SLC44A5: variants seen among roughly 807,000 people sequenced by gnomAD.
SLC44A5 encodes solute carrier family 44 member 5.
In SLC44A5, 57 loss-of-function variants were observed where a neutral mutation model predicts 101.8. The observed-to-expected ratio is 0.56, with a 90% CI of 0.45 to 0.70. The LOEUF is 0.70. SLC44A5 is among the 30% of genes least tolerant of loss of function. The probability of loss-of-function intolerance (pLI) is 0.00; values close to 1 mark genes in which losing one functional copy is unlikely to be tolerated. For synonymous variants in SLC44A5, 281 were observed against 290.9 expected (o/e 0.97, Z 0.35); for missense variants, 737 against 853.1 (o/e 0.86, Z 1.70).
intron 13 of SLC44A5, among the ~76,000 whole-genome samples, chr1:75,225,527 A>C (rs772553259): frequency 1.3e-5 from 2 of 152,174 alleles, no homozygotes; most frequent in Non-Finnish European, 2.9e-5. Context: ...TGAGACTGGC[A>C]CCTGGGGGCT....
At chr1:75,495,082 C>T (rs576666762) in intron 2 of SLC44A5, among the ~76,000 whole-genome samples, 2 of 152,056 alleles carry the variant, frequency 1.3e-5, no homozygotes, top group East Asian at 1.9e-4. Flanking sequence ...AATGAGGAAA[C>T]GGAAATATGT....
At chr1:75,476,215 T>C (rs981294660) in intron 2 of SLC44A5, among the ~76,000 whole-genome samples, 7 of 151,714 alleles carry the variant, frequency 4.6e-5, no homozygotes, top group African/African-American at 1.5e-4. Flanking sequence ...ATATAGAAAG[T>C]TATCAAGATT....
the SLC44A5 span, among the ~76,000 whole-genome samples, chr1:75,698,689 A>G: frequency 1.3e-5 from 2 of 152,230 alleles, no homozygotes; most frequent in African/African-American, 4.8e-5. Flanking sequence ...AAGGCTTCAG[A>G]CGATCAAATT....
intron 3 of SLC44A5, among the ~76,000 whole-genome samples, chr1:75,351,846 C>CAAA (rs71071942): frequency 1.1e-4 from 3 of 28,410 alleles, no homozygotes; most frequent in East Asian, 2.2e-3. Flanking sequence ...CACACTTTAC[C>CAAA]AAAAAAAAAA....
chr1:75,302,112 G>GTTTTTTTTTTGTTTTTTTTTTTTTTT (rs1654511201), intron 4 of SLC44A5, among the ~76,000 whole-genome samples: 1 of 60,138 alleles, frequency 1.7e-5, no homozygotes, highest in African/African-American at 6.9e-5. Flanking sequence ...TAGTTTTTTT[G>GTTTTTTTTTTGTTTTTTTTTTTTTTT]TTTTTTTTTT....
chr1:75,666,592 G>A, the SLC44A5 span, among the ~76,000 whole-genome samples: 59 of 152,250 alleles, frequency 3.9e-4, no homozygotes, highest in Middle Eastern at 3.4e-3. Context: ...TATTTTATGA[G>A]GCCAGCATCA....
intron 2 of SLC44A5, among the ~76,000 whole-genome samples, chr1:75,488,873 A>C (rs770560725): frequency 1.3e-5 from 2 of 152,240 alleles, no homozygotes; most frequent in Admixed American, 6.5e-5. Context: ...TTTGAGACTG[A>C]GTTTCGATCT....
upstream of SLC44A5, among the ~76,000 whole-genome samples, chr1:75,612,645 C>A (rs928674657): frequency 2.0e-5 from 3 of 152,222 alleles, no homozygotes; most frequent in African/African-American, 7.2e-5. Flanking sequence ...CCTCTTACTT[C>A]ATTGTCTATC....
intron 4 of SLC44A5, among the ~76,000 whole-genome samples, chr1:75,312,448 A>G (rs1018293099): frequency 6.6e-6 from 1 of 151,854 alleles, no homozygotes; most frequent in Non-Finnish European, 1.5e-5. Flanking sequence ...GATCTTTGAG[A>G]GGTGATTAGT....
rs191654963 is a variant in SLC44A5 at position 75,376,860 on chromosome 1, C to T, written c.52+19723G>A. Among the ~76,000 whole-genome samples, 589 of 152,280 alleles carry T rather than the reference C, an allele frequency of 3.9e-3. 2 individuals carry two copies. The highest frequency in any genetic ancestry group is 0.014 in the African/African-American group (563 of 41,556). On this transcript the variant is annotated intron_variant, in intron 3 of 23. Coordinates refer to ENST00000370859, the MANE Select transcript of SLC44A5 (RefSeq NM_001130058.2). Reference sequence around the variant, plus strand: ...TTGACAAGCTGAGAGCAGAAGGCTTCAGACGATCAAATTACTCTGAGCTAC... The same window carrying T: ...TTGACAAGCTGAGAGCAGAAGGCTTTAGACGATCAAATTACTCTGAGCTAC...
At chr1:75,301,763 A>G (rs1023809927) in intron 4 of SLC44A5, among the ~76,000 whole-genome samples, 3 of 152,222 alleles carry the variant, frequency 2.0e-5, no homozygotes, top group Non-Finnish European at 4.4e-5. Context: ...TATGGGTAGT[A>G]AAGTGAGTTC....
chr1:75,310,543 C>A (rs572774400), intron 4 of SLC44A5, among the ~76,000 whole-genome samples: 2 of 152,056 alleles, frequency 1.3e-5, no homozygotes, highest in Admixed American at 1.3e-4. Context: ...TCTCTACTAG[C>A]GGACACAAGA....
intron 11 of SLC44A5, 94 bp downstream of exon 11, chr1:75,236,893 T>A: frequency 3.1e-6 from 2 of 647,996 alleles, no homozygotes; most frequent in Non-Finnish European, 5.2e-6. Flanking sequence ...ATTTCTTTTA[T>A]TCATGAATAA....
intron 3 of SLC44A5, among the ~76,000 whole-genome samples, chr1:75,395,033 C>G (rs945861218): frequency 2.6e-5 from 4 of 151,986 alleles, no homozygotes; most frequent in African/African-American, 7.2e-5. Flanking sequence ...AACCTTTCCT[C>G]TTTCTTTTAC....
chr1:75,492,840 T>C (rs1308718829), intron 2 of SLC44A5, among the ~76,000 whole-genome samples: 2 of 152,196 alleles, frequency 1.3e-5, no homozygotes, highest in African/African-American at 4.8e-5. Flanking sequence ...AGTGCTACCA[T>C]ATTAAACAAA....
At chr1:75,584,929 T>A (rs1673911005) in intron 1 of SLC44A5, among the ~76,000 whole-genome samples, 2 of 152,196 alleles carry the variant, frequency 1.3e-5, no homozygotes, top group South Asian at 4.1e-4. Context: ...AATTTAATGA[T>A]CAGGAAGATA....
intron 3 of SLC44A5, among the ~76,000 whole-genome samples, chr1:75,364,057 T>C (rs1015157217): frequency 3.3e-5 from 5 of 152,202 alleles, no homozygotes; most frequent in African/African-American, 9.7e-5. Flanking sequence ...CTTACTTGTA[T>C]GTGGCATATC....
intron 2 of SLC44A5, among the ~76,000 whole-genome samples, chr1:75,478,083 G>C (rs1353699708): frequency 6.6e-6 from 1 of 152,240 alleles, no homozygotes; most frequent in Non-Finnish European, 1.5e-5. Context: ...CCAGAAGAGA[G>C]TATGGGCCAA....
intron 5 of SLC44A5, among the ~76,000 whole-genome samples, chr1:75,292,727 G>C (rs1653661828): frequency 6.6e-6 from 1 of 152,220 alleles, no homozygotes; most frequent in South Asian, 2.1e-4. Context: ...GATACTCGCT[G>C]TTTTAAGCCC....
Sources: gnomAD v4.1 joint callset for allele counts (sites outside exome capture counted in the v4.1 genomes callset) on GRCh38, gnomAD v4.1.1 for gene constraint, MANE v1.5 for transcripts, NCBI Gene and HGNC (gene_info 2026-07-23, HGNC 2026-07-21) for gene names.